CEP120: variants seen among roughly 807,000 people sequenced by gnomAD.
CEP120 encodes centrosomal protein 120.
A neutral mutation model predicts 126.5 loss-of-function variants in CEP120; 113 were observed. The observed-to-expected ratio is 0.89, with a 90% CI of 0.77 to 1.04. CEP120 has a LOEUF of 1.04. Among genes scored for constraint, CEP120 ranks in the 50% least tolerant of loss-of-function variants. The pLI, the probability that CEP120 is intolerant of heterozygous loss-of-function variation, is 0.00. For synonymous variants in CEP120, 400 were observed against 394.3 expected (o/e 1.01, Z -0.17); for missense variants, 1,230 against 1,155.7 (o/e 1.06, Z -0.93).
At chr5:123,400,882 G>A (rs368146008) in intron 4 of CEP120, 10 of 1,208,224 alleles carry the variant, frequency 8.3e-6, no homozygotes, top group African/African-American at 7.5e-5. Context: ...CTGGGGCAGC[G>A]CAGGAGGGGT....
Position 123,418,438 on chromosome 5 carries a change from G to A in CEP120, c.127C>T (p.Pro43Ser), listed in dbSNP as rs751516596. ...TCTGGCTGGTCAGTGTGGTCCACAG[G>A]ATCAGTAGCCAACTGTTCTCCATCA... ...KFDGEQLATD[P>S]VDHTDQPEFA... Residue 43 changes from proline to serine, a missense_variant, in exon 2 of 20, where the codon CCT (proline) becomes TCT (serine). Pro to Ser is a moderately conservative substitution (Grantham distance 74). Transcript: ENST00000306467. 6 of 1,612,950 alleles carry A rather than the reference G, an allele frequency of 3.7e-6. No individual in the cohort carries two copies. The highest frequency in any genetic ancestry group is 1.7e-5 in the Admixed American group (1 of 59,988).
intron 5 of CEP120, among the ~76,000 whole-genome samples, chr5:123,394,395 G>A (rs748524175): frequency 2.6e-5 from 4 of 152,152 alleles, no homozygotes; most frequent in East Asian, 1.9e-4. Flanking sequence ...TAAGGAGCAC[G>A]CAACCTAGAT....
At chr5:123,396,096 T>C (rs1168551559) in intron 5 of CEP120, among the ~76,000 whole-genome samples, 2 of 151,530 alleles carry the variant, frequency 1.3e-5, no homozygotes, top group Non-Finnish European at 2.9e-5. Context: ...GGCTCCTGAG[T>C]AGCTAAGATT....
At chr5:123,367,706 A>T (rs1039271285) in intron 17 of CEP120, among the ~76,000 whole-genome samples, 1 of 151,984 alleles carries the variant, frequency 6.6e-6, no homozygotes, top group Non-Finnish European at 1.5e-5. Flanking sequence ...GCAACCTGTA[A>T]AAAGAATCAA....
intron 4 of CEP120, among the ~76,000 whole-genome samples, chr5:123,408,982 G>A (rs1414450770): frequency 6.6e-6 from 1 of 152,150 alleles, no homozygotes; most frequent in East Asian, 1.9e-4. Flanking sequence ...TGAGGTGGGA[G>A]GATCACTTGA....
intron 18 of CEP120, among the ~76,000 whole-genome samples, chr5:123,362,294 C>G (rs1309353929): frequency 6.6e-6 from 1 of 151,726 alleles, no homozygotes; most frequent in Non-Finnish European, 1.5e-5. Context: ...TACCTCAGTA[C>G]TCTCGTCAGA....
At chr5:123,397,437 A>G (rs1316110422) in intron 5 of CEP120, among the ~76,000 whole-genome samples, 2 of 152,270 alleles carry the variant, frequency 1.3e-5, no homozygotes, top group African/African-American at 2.4e-5. Flanking sequence ...GATGTGGTTA[A>G]TAAATAAAAA....
intron 16 of CEP120, among the ~76,000 whole-genome samples, chr5:123,374,019 C>A (rs1032811072): frequency 3.3e-5 from 5 of 151,808 alleles, no homozygotes; most frequent in Admixed American, 6.6e-5. Flanking sequence ...TAATCCTGAC[C>A]CCCTGCCAAA....
At chr5:123,387,293 CAAG>C (rs960874894) in intron 9 of CEP120, among the ~76,000 whole-genome samples, 10 of 152,198 alleles carry the variant, frequency 6.6e-5, no homozygotes, top group Admixed American at 1.3e-4. Flanking sequence ...TGCTTTCCAA[CAAG>C]AAGAATTCTA....
In CEP120 at chr5:123,354,567, T is replaced by C. The variant is rs1034607216; in HGVS notation, c.2581-4478A>G. Among the ~76,000 whole-genome samples, 83 of 152,232 alleles carry C rather than the reference T, an allele frequency of 5.5e-4. 1 individual carries two copies. The highest frequency in any genetic ancestry group is 1.9e-3 in the African/African-American group (81 of 41,570). Reference sequence around the variant, plus strand: ...ATTTTTTTTATCTAATTTGTTGCTGTGTTACCAGGTACAAATGTAGAACTG... The same window carrying C: ...ATTTTTTTTATCTAATTTGTTGCTGCGTTACCAGGTACAAATGTAGAACTG... On this transcript the variant is annotated intron_variant, in intron 18 of 19. Coordinates refer to ENST00000306467, the MANE Select transcript of CEP120 (RefSeq NM_001375405.1).
rs1774349369 is a variant in CEP120 at position 123,415,897 on chromosome 5, A to T, written c.321+113T>A. 4.8e-6 allele frequency: 3 copies of T among 621,516 alleles called. No homozygotes were observed. The East Asian group carries it at 8.9e-5, about 18-fold the overall frequency. 38.5% of individuals were successfully genotyped at this position (621,516 alleles called of 1,614,324 possible). ...AAAAAAAGAACTGCCATATTGGCTC[A>T]AGTCTATGACTGATCAGGTCTAGTA... On this transcript the variant is annotated intron_variant, in intron 3 of 19. Transcript: ENST00000306467.
At chr5:123,382,001 A>G (rs959229537) in intron 14 of CEP120, 110 bp downstream of exon 14, 26 of 693,806 alleles carry the variant, frequency 3.7e-5, no homozygotes, top group Middle Eastern at 3.0e-4. Context: ...CCATGCCAAC[A>G]TATCACCACT....
chr5:123,390,119 G>A lies in CEP120; in HGVS notation c.1060C>T (p.Gln354Ter), dbSNP rs1302758450. 6.2e-7 allele frequency: 1 copy of A among 1,611,408 alleles called. No individual in the cohort carries two copies. The highest frequency in any genetic ancestry group is 8.5e-7 in the Non-Finnish European group (1 of 1,178,716). The stretch of plus-strand genomic sequence containing the variant: ...GAATGCTCTGGCTCATGTTCATTCT[G>A]GGTCTTTAATTCAATTAAAGACTAA... ...DSQSLIELKT[Q>*]NEHEPEHSKK... Residue 354 changes from glutamine to a stop codon, truncating the protein, a stop_gained, in exon 8 of 20, where the codon CAG (glutamine) becomes TAG (stop). Coordinates refer to ENST00000306467, the MANE Select transcript of CEP120 (RefSeq NM_001375405.1). LOFTEE classifies it high-confidence loss of function.
chr5:123,411,913 T>C (rs1774085545), intron 4 of CEP120, among the ~76,000 whole-genome samples: 2 of 152,176 alleles, frequency 1.3e-5, no homozygotes, highest in African/African-American at 2.4e-5. Flanking sequence ...GTGTGGCATG[T>C]TGACAGCAAG....
At position 123,384,950 on chromosome 5, in the gene CEP120, C is replaced by G; in HGVS notation, c.1763+1G>C. 6.2e-7 allele frequency: 1 copy of G among 1,600,316 alleles called. No homozygotes were observed. The highest frequency in any genetic ancestry group is 8.5e-7 in the Non-Finnish European group (1 of 1,174,214). On this transcript the variant is annotated splice_donor_variant, in intron 11 of 19. Coordinates refer to ENST00000306467, the MANE Select transcript of CEP120 (RefSeq NM_001375405.1). LOFTEE classifies it high-confidence loss of function. ...AATACCAATTCTGTGAAATGCATTA[C>G]CCTTGTGCTGCTATAACAGGCACAC...
chr5:123,402,504 C>T (rs989671512), intron 4 of CEP120, among the ~76,000 whole-genome samples: 4 of 152,120 alleles, frequency 2.6e-5, no homozygotes, highest in South Asian at 2.1e-4. Context: ...TCTGCCCCCC[C>T]GGATTCAAGC....
chr5:123,390,143 A>G lies in CEP120; in HGVS notation c.1039-3T>C. The G allele has an allele frequency of 6.3e-7, 1 of 1,578,466 alleles. No individual in the cohort carries two copies. The highest frequency in any genetic ancestry group is 1.4e-5 in the African/African-American group (1 of 73,406). The stretch of plus-strand genomic sequence containing the variant: ...TGGGTCTTTAATTCAATTAAAGACT[A>G]AAAACAATTTTTAAATAAAGTATAA... On this transcript the variant is annotated splice_polypyrimidine_tract_variant and splice_region_variant and intron_variant, in intron 7 of 19. Coordinates refer to ENST00000306467, the MANE Select transcript of CEP120 (RefSeq NM_001375405.1).
chr5:123,403,869 CACAGATATAACAATTCAATGTA>C, intron 4 of CEP120: 1 of 212,172 alleles, frequency 4.7e-6, no homozygotes, highest in Middle Eastern at 6.2e-4. Flanking sequence ...TTTCAGAATA[CACAGATATAACAATTCAATGTA>C]ACATCTAATT....
rs1204177187 is a variant in CEP120 at position 123,345,647 on chromosome 5, T to C, written c.*872A>G. ...TCCAATGAGTGAATCTCGTGCGCTT[T>C]TGAAAACGATTGATTGAAATTAGCG... On this transcript the variant is annotated 3_prime_UTR_variant, in exon 20 of 20. Coordinates refer to ENST00000306467, the MANE Select transcript of CEP120 (RefSeq NM_001375405.1). 1 of 152,162 alleles carries C rather than the reference T, an allele frequency of 6.6e-6. No homozygotes were observed. The highest frequency in any genetic ancestry group is 2.4e-5 in the African/African-American group (1 of 41,454). 9.4% of individuals were successfully genotyped at this position (152,162 alleles called of 1,614,324 possible).
Sources: allele counts gnomAD v4.1 joint callset (sites outside exome capture counted in the v4.1 genomes callset), GRCh38; gene constraint gnomAD v4.1.1; transcripts MANE v1.5; gene names NCBI Gene and HGNC (gene_info 2026-07-23, HGNC 2026-07-21).